ADCY2: variants seen among roughly 807,000 people sequenced by gnomAD.
ADCY2 encodes adenylate cyclase 2, also known as adenylate cyclase type 2.
In ADCY2, 31 loss-of-function variants were observed where a neutral mutation model predicts 125.2. The ratio of observed to expected loss-of-function variants is 0.25; its 90% CI spans 0.19 to 0.33. ADCY2 has a LOEUF of 0.33. ADCY2 is among the 10% of genes least tolerant of loss of function. ADCY2 has a pLI of 1.00. For missense variants in ADCY2, 904 were observed against 1,418.2 expected (o/e 0.64, Z 5.82); for synonymous variants, 512 against 548.4 (o/e 0.93, Z 0.93).
rs545468132 is a variant in ADCY2, at chr5:7,437,614, G to A, written c.408+22844G>A. Reference sequence around the variant, plus strand: ...TTCTTAGCACAGTGCCGGGCACGGCGTGATAGGTACTCGGGAAATTTTAGT... The same window carrying A: ...TTCTTAGCACAGTGCCGGGCACGGCATGATAGGTACTCGGGAAATTTTAGT... On this transcript the variant is annotated intron_variant, in intron 2 of 24. Transcript: ENST00000338316. Among the ~76,000 whole-genome samples, 5 of 152,388 alleles carry A rather than the reference G, an allele frequency of 3.3e-5. No homozygotes were observed. The South Asian group carries it at 8.3e-4, about 25-fold the overall frequency.
chr5:7,453,560 T>C (rs1307680324), intron 2 of ADCY2, among the ~76,000 whole-genome samples: 1 of 152,072 alleles, frequency 6.6e-6, no homozygotes, highest in African/African-American at 2.4e-5. Flanking sequence ...GAGACCAAGG[T>C]AAATTTTAGA....
intron 3 of ADCY2, among the ~76,000 whole-genome samples, chr5:7,577,095 T>C (rs1284476760): frequency 6.6e-6 from 1 of 152,176 alleles, no homozygotes. Flanking sequence ...ATACGAAGAT[T>C]GTTAGTTTCT....
chr5:7,752,569 C>T lies in ADCY2; in HGVS notation c.1957-4880C>T, dbSNP rs181663138. Among the ~76,000 whole-genome samples the T allele has an allele frequency of 5.5e-4, 84 of 151,564 alleles. 1 individual carries two copies. The highest frequency in any genetic ancestry group is 2.0e-3 in the African/African-American group (82 of 41,350). On this transcript the variant is annotated intron_variant, in intron 15 of 24. Transcript: ENST00000338316. ...ATTGTTAAAATGGAAACTAATGAAA[C>T]TGTAAATGAAGTCTACTTTTATAAT...
rs150327957 is a variant in ADCY2, at chr5:7,638,517, A to G, written c.720+12201A>G. On this transcript the variant is annotated intron_variant, in intron 4 of 24. Coordinates refer to ENST00000338316, the MANE Select transcript of ADCY2 (RefSeq NM_020546.3). ...AGTGCATTTGAGAGAAAGAAAACAC[A>G]CTCCTGGCATGAGGCATGATGCCAA... 2.3e-4 allele frequency among the ~76,000 whole-genome samples: 35 copies of G among 152,152 alleles called. No homozygotes were observed. The East Asian group carries it at 6.4e-3, about 28-fold the overall frequency.
At chr5:7,466,164 T>C (rs1161826907) in intron 2 of ADCY2, among the ~76,000 whole-genome samples, 1 of 152,166 alleles carries the variant, frequency 6.6e-6, no homozygotes, top group Non-Finnish European at 1.5e-5. Flanking sequence ...CAAATGTTTA[T>C]CTATGACTGC....
At chr5:7,768,036 G>GA (rs11388337) in intron 17 of ADCY2, among the ~76,000 whole-genome samples, 113,569 of 147,056 alleles carry the variant, frequency 0.77, 44,532 homozygotes, top group Non-Finnish European at 0.85. Context: ...GTCTCAAAAA[G>GA]AAAAAAAAAA....
intron 4 of ADCY2, among the ~76,000 whole-genome samples, chr5:7,680,204 A>G (rs1429302248): frequency 1.3e-5 from 2 of 152,172 alleles, no homozygotes; most frequent in Admixed American, 6.5e-5. Context: ...CTGGATTGTC[A>G]TAAAAGGGGT....
intron 4 of ADCY2, among the ~76,000 whole-genome samples, chr5:7,684,562 G>C (rs542201659): frequency 1.3e-5 from 2 of 152,298 alleles, no homozygotes; most frequent in African/African-American, 4.8e-5. Context: ...GCTAACTGAA[G>C]AGTCATCGCA....
At chr5:7,487,832 T>G (rs552063529) in intron 2 of ADCY2, among the ~76,000 whole-genome samples, 3 of 152,298 alleles carry the variant, frequency 2.0e-5, no homozygotes, top group African/African-American at 7.2e-5. Context: ...CTAAATTGAT[T>G]TCTTTGTTTT....
chr5:7,520,907 C>A lies in ADCY2; in HGVS notation c.570+8C>A. On this transcript the variant is annotated splice_region_variant and intron_variant, in intron 3 of 24. Transcript: ENST00000338316. ...GAGCACCTGGTCTGGCAGGTGGGTG[C>A]ACCTCCACATCCATGGAGAATGACT... The A allele has an allele frequency of 1.2e-6, 2 of 1,613,638 alleles. No individual in the cohort carries two copies. Among genetic ancestry groups the A allele is most frequent in the Non-Finnish European group, 1.7e-6 (2 of 1,179,980 alleles).
chr5:7,430,978 T>C (rs1168735697), intron 2 of ADCY2, among the ~76,000 whole-genome samples: 1 of 152,126 alleles, frequency 6.6e-6, no homozygotes, highest in Admixed American at 6.5e-5. Flanking sequence ...TCTCCCCAAA[T>C]TTGATCAACA....
intron 20 of ADCY2, among the ~76,000 whole-genome samples, chr5:7,792,943 A>G (rs1228176540): frequency 2.6e-5 from 4 of 152,168 alleles, no homozygotes; most frequent in African/African-American, 9.7e-5. Flanking sequence ...AGAGGCGTGC[A>G]CGGGACCCAC....
intron 4 of ADCY2, among the ~76,000 whole-genome samples, chr5:7,645,447 A>G (rs1290472652): frequency 6.6e-6 from 1 of 152,196 alleles, no homozygotes; most frequent in Admixed American, 6.5e-5. Flanking sequence ...CCAACAGACA[A>G]TGAAGAAAGA....
intron 3 of ADCY2, among the ~76,000 whole-genome samples, chr5:7,527,314 T>A (rs1000781648): frequency 1.4e-4 from 22 of 152,238 alleles, no homozygotes; most frequent in Admixed American, 1.3e-4. Context: ...TACATATACA[T>A]CGTGCCTGTT....
chr5:7,729,096 T>C (rs910103291), intron 14 of ADCY2, among the ~76,000 whole-genome samples: 5 of 152,218 alleles, frequency 3.3e-5, no homozygotes, highest in Admixed American at 3.3e-4. Context: ...ATCCACAGCC[T>C]CATCTAATGG....
chr5:7,682,376 T>C (rs145365226), intron 4 of ADCY2, among the ~76,000 whole-genome samples: 20 of 152,312 alleles, frequency 1.3e-4, no homozygotes, highest in African/African-American at 4.8e-4. Flanking sequence ...AAGGTGAAAG[T>C]TAGCAGAGCT....
chr5:7,693,521 C>T (rs1473098033), intron 5 of ADCY2, among the ~76,000 whole-genome samples: 1 of 149,760 alleles, frequency 6.7e-6, no homozygotes, highest in Non-Finnish European at 1.5e-5. Context: ...CGGGTTCAAG[C>T]AATTCTCCTG....
intron 22 of ADCY2, among the ~76,000 whole-genome samples, chr5:7,816,112 C>A (rs1270876025): frequency 6.6e-6 from 1 of 152,164 alleles, no homozygotes; most frequent in Non-Finnish European, 1.5e-5. Flanking sequence ...CCTTTAAAGA[C>A]CCTATCTCCA....
intron 20 of ADCY2, chr5:7,794,110 C>T (rs868256421): frequency 5.3e-5 from 8 of 152,274 alleles, no homozygotes; most frequent in Middle Eastern, 3.4e-3. Flanking sequence ...GGACACTGAA[C>T]CTTAAATCAG....
Sources: allele counts gnomAD v4.1 joint callset (sites outside exome capture counted in the v4.1 genomes callset), GRCh38; gene constraint gnomAD v4.1.1; transcripts MANE v1.5; gene names NCBI Gene and HGNC (gene_info 2026-07-23, HGNC 2026-07-21).